SLC24A2: variants seen among roughly 807,000 people sequenced by gnomAD.
SLC24A2 encodes sodium/potassium/calcium exchanger 2.
SLC24A2 carries 36 observed loss-of-function variants against 62.0 expected under a neutral mutation model. The ratio of observed to expected loss-of-function variants is 0.58; its 90% CI spans 0.44 to 0.77. SLC24A2 has a LOEUF of 0.77. SLC24A2 is among the 30% of genes least tolerant of loss of function. The probability of loss-of-function intolerance (pLI) is 0.00; values close to 1 mark genes in which losing one functional copy is unlikely to be tolerated. For synonymous variants in SLC24A2, 358 were observed against 294.0 expected, an observed-to-expected ratio of 1.22 and a Z score of -2.23; for missense variants, 846 against 817.9, an observed-to-expected ratio of 1.03 and a Z score of -0.42.
the SLC24A2 span, among the ~76,000 whole-genome samples, chr9:19,942,736 T>A: frequency 1.3e-5 from 2 of 152,332 alleles, no homozygotes; most frequent in Admixed American, 1.3e-4. Context: ...GAAGATGTCA[T>A]GTGCCTCACA....
chr9:19,890,056 C>T, the SLC24A2 span, among the ~76,000 whole-genome samples: 1 of 152,120 alleles, frequency 6.6e-6, no homozygotes, highest in Non-Finnish European at 1.5e-5. Context: ...TTATGGACCA[C>T]CAATATAACC....
At chr9:19,633,338 C>A (rs1461042080) in intron 2 of SLC24A2, among the ~76,000 whole-genome samples, 1 of 152,142 alleles carries the variant, frequency 6.6e-6, no homozygotes, top group Non-Finnish European at 1.5e-5. Context: ...CTGGATCATA[C>A]AATAAGACCA....
At chr9:19,949,355 C>T in the SLC24A2 span, among the ~76,000 whole-genome samples, 2 of 152,092 alleles carry the variant, frequency 1.3e-5, no homozygotes, top group Non-Finnish European at 2.9e-5. Flanking sequence ...AGTGGTGCAA[C>T]GATTTTTCCT....
chr9:19,766,756 A>C (rs868674627), intron 2 of SLC24A2, among the ~76,000 whole-genome samples: 58 of 152,314 alleles, frequency 3.8e-4, no homozygotes, highest in African/African-American at 1.4e-3. Flanking sequence ...TCTCCCCTTC[A>C]GAAGGCATGA....
chr9:19,906,748 G>A, the SLC24A2 span, among the ~76,000 whole-genome samples: 5 of 151,312 alleles, frequency 3.3e-5, no homozygotes, highest in Non-Finnish European at 5.9e-5. Flanking sequence ...TAAATCCCTC[G>A]ACATATACCC....
the SLC24A2 span, among the ~76,000 whole-genome samples, chr9:20,280,411 G>C: frequency 6.6e-6 from 1 of 152,168 alleles, no homozygotes; most frequent in Non-Finnish European, 1.5e-5. Flanking sequence ...CTGCAGAAGA[G>C]GGCGCCATGA....
rs147113865 is a variant in SLC24A2, at chr9:19,521,582, C to A, written c.1570-522G>T. ...ACTGGAATCTCGATTCTGGGTGTTT[C>A]GGGTTTTGGTAACACATAGCAAAGC... On this transcript the variant is annotated intron_variant, in intron 9 of 10. Transcript: ENST00000341998. Among the ~76,000 whole-genome samples the A allele has an allele frequency of 4.6e-5, 7 of 152,170 alleles. No homozygotes were observed. In the South Asian group the frequency reaches 1.0e-3, roughly 23 times the overall value.
the SLC24A2 span, among the ~76,000 whole-genome samples, chr9:19,903,019 A>T: frequency 6.6e-6 from 1 of 150,434 alleles, no homozygotes; most frequent in South Asian, 2.2e-4. Context: ...CAAAGTCTAT[A>T]ATAAGTCTTA....
chr9:20,031,969 C>G, the SLC24A2 span, among the ~76,000 whole-genome samples: 2 of 152,140 alleles, frequency 1.3e-5, no homozygotes, highest in African/African-American at 2.4e-5. Context: ...ATCAGAGAAC[C>G]TAGAGTTGAG....
chr9:19,748,561 A>G (rs73432034), intron 2 of SLC24A2, among the ~76,000 whole-genome samples: 55 of 152,240 alleles, frequency 3.6e-4, no homozygotes, highest in African/African-American at 1.3e-3. Context: ...TAGGTGGGTT[A>G]ATGTTAAAAT....
the SLC24A2 span, among the ~76,000 whole-genome samples, chr9:19,990,155 T>A: frequency 6.6e-6 from 1 of 152,202 alleles, no homozygotes; most frequent in Non-Finnish European, 1.5e-5. Flanking sequence ...CATAATCCTG[T>A]AAAATTTGTA....
chr9:19,813,191 G>A, the SLC24A2 span, among the ~76,000 whole-genome samples: 5 of 152,152 alleles, frequency 3.3e-5, no homozygotes, highest in East Asian at 9.6e-4. Flanking sequence ...TTCCCAGTTA[G>A]CAGCCCTCTG....
chr9:20,287,450 AGGTGGGGTGG>A, the SLC24A2 span, among the ~76,000 whole-genome samples: 1 of 152,162 alleles, frequency 6.6e-6, no homozygotes, highest in Non-Finnish European at 1.5e-5. Flanking sequence ...CCCTGGGGTG[AGGTGGGGTGG>A]GTTGCAGGAA....
intron 2 of SLC24A2, among the ~76,000 whole-genome samples, chr9:19,719,231 G>C (rs1232646275): frequency 6.6e-6 from 1 of 152,126 alleles, no homozygotes; most frequent in Non-Finnish European, 1.5e-5. Flanking sequence ...CTTTGGGTAG[G>C]AGCATCTCAT....
At chr9:20,162,970 G>A in the SLC24A2 span, among the ~76,000 whole-genome samples, 1 of 152,076 alleles carries the variant, frequency 6.6e-6, no homozygotes, top group Non-Finnish European at 1.5e-5. Context: ...AGGTATTGAT[G>A]GGACATATCT....
rs761562821 is a variant in SLC24A2 at position 19,622,261 on chromosome 9, C to T, written c.969G>A (p.Pro323=). Residue 323 remains proline, a splice_region_variant and synonymous_variant, in exon 3 of 11, where the codon CCG becomes CCA. Coordinates refer to ENST00000341998, the MANE Select transcript of SLC24A2 (RefSeq NM_020344.4). ...AARDKDEPTL[P]AKPRLQRGGS... ...TACAGACAAAGCCACTGCTTCCTAC[C>T]GGTAGAGTTGGTTCATCCTTGTCCC... The T allele has an allele frequency of 8.1e-6, 13 of 1,613,006 alleles. No homozygotes were observed. Among genetic ancestry groups the T allele is most frequent in the South Asian group, 7.7e-5 (7 of 91,012 alleles).
chr9:19,899,220 A>C, the SLC24A2 span, among the ~76,000 whole-genome samples: 1 of 152,180 alleles, frequency 6.6e-6, no homozygotes, highest in Non-Finnish European at 1.5e-5. Flanking sequence ...CGCAAGGGAG[A>C]CTGGGAAAGT....
At chr9:20,012,718 T>C in the SLC24A2 span, among the ~76,000 whole-genome samples, 1 of 152,150 alleles carries the variant, frequency 6.6e-6, no homozygotes. Context: ...ATGAAGAGCA[T>C]TTTTACATAC....
chr9:19,560,930 G>T (rs1471942167), intron 7 of SLC24A2, among the ~76,000 whole-genome samples: 34 of 148,178 alleles, frequency 2.3e-4, no homozygotes, highest in Admixed American at 6.8e-4. Context: ...GAGAGAGAGA[G>T]AGAGAGAGAG....
Sources: allele counts gnomAD v4.1 joint callset (sites outside exome capture counted in the v4.1 genomes callset), GRCh38; gene constraint gnomAD v4.1.1; transcripts MANE v1.5; gene names NCBI Gene and HGNC (gene_info 2026-07-23, HGNC 2026-07-21).